The following CD200 variants were observed in gnomAD, a reference collection of about 807,000 sequenced individuals.
CD200 encodes the protein CD200 molecule.
Under a neutral mutation model 30.9 loss-of-function variants are expected in CD200, and 15 were observed. That is an observed-to-expected ratio of 0.49 (90% confidence interval 0.32 to 0.75). The LOEUF (loss-of-function observed/expected upper bound fraction) is 0.75. CD200 is among the 30% of genes least tolerant of loss of function. The pLI, the probability that CD200 is intolerant of heterozygous loss-of-function variation, is 0.03. For missense variants in CD200, 262 were observed against 324.2 expected (o/e 0.81, Z 1.47); for synonymous variants, 134 against 126.2 (o/e 1.06, Z -0.41).
At position 112,347,663 on chromosome 3, in the gene CD200, G is replaced by C; in HGVS notation, c.527G>C (p.Arg176Pro). 1.9e-6 allele frequency: 3 copies of C among 1,613,926 alleles called. No individual in the cohort carries two copies. Among genetic ancestry groups the C allele is most frequent in the South Asian group, 2.2e-5 (2 of 91,070 alleles). ...CCCATGGTCTTCTGGAAGGTCCCTCGGTCAGGGATTGAAAATAGTACAGTG... is the reference window on the plus strand; with the variant it reads ...CCCATGGTCTTCTGGAAGGTCCCTCCGTCAGGGATTGAAAATAGTACAGTG... ...PAPMVFWKVP[R>P]SGIENSTVTL... Residue 176 changes from arginine (R) to proline (P), a missense_variant, in exon 4 of 6, where the codon CGG (arginine) becomes CCG (proline). Coordinates refer to ENST00000315711, the MANE Select transcript of CD200 (RefSeq NM_005944.7).
intron 5 of CD200, among the ~76,000 whole-genome samples, chr3:112,358,153 C>T (rs750084388): frequency 6.6e-6 from 1 of 152,172 alleles, no homozygotes; most frequent in East Asian, 1.9e-4. Context: ...ATTTACATAA[C>T]ATGCAGTACG....
At chr3:112,336,131 T>A in intron 1 of CD200, 1 of 754,658 alleles carries the variant, frequency 1.3e-6, no homozygotes. Context: ...TATTTGGAAT[T>A]GGTTTGGTAC....
intron 5 of CD200, among the ~76,000 whole-genome samples, chr3:112,355,515 AG>A (rs1471869387): frequency 1.3e-5 from 2 of 152,222 alleles, no homozygotes; most frequent in Non-Finnish European, 2.9e-5. Flanking sequence ...ACAAGTTCAC[AG>A]GGAACTGTGA....
intron 2 of CD200, among the ~76,000 whole-genome samples, chr3:112,344,117 T>G (rs902308542): frequency 1.3e-5 from 2 of 152,244 alleles, no homozygotes; most frequent in African/African-American, 4.8e-5. Flanking sequence ...TATTATGCTT[T>G]TATTACACTT....
chr3:112,351,898 A>T lies in CD200; in HGVS notation c.802+2079A>T, dbSNP rs948773289. On this transcript the variant is annotated intron_variant, in intron 5 of 5. Coordinates refer to ENST00000315711, the MANE Select transcript of CD200 (RefSeq NM_005944.7). ...AGAGATCAGATGGCGAGACAGGAAA[A>T]TAAAAGAGGGTGCTGCCAGGCTGTT... Among the ~76,000 whole-genome samples the T allele has an allele frequency of 1.2e-4, 18 of 152,176 alleles. 1 individual carries two copies. The highest frequency in any genetic ancestry group is 2.1e-4 in the South Asian group (1 of 4,828).
chr3:112,350,372 CA>C (rs1196298211), intron 5 of CD200, among the ~76,000 whole-genome samples: 3 of 152,116 alleles, frequency 2.0e-5, no homozygotes, highest in African/African-American at 7.2e-5. Context: ...TTATATATAC[CA>C]GGGTCTGAAT....
rs1011563487 is a variant in CD200, at chr3:112,362,611, T to G, written c.*1061T>G. 6.6e-6 allele frequency: 1 copy of G among 152,656 alleles called. No homozygotes were observed. The highest frequency in any genetic ancestry group is 2.4e-5 in the African/African-American group (1 of 41,462). 9.5% of individuals were successfully genotyped at this position (152,656 alleles called of 1,614,324 possible). On this transcript the variant is annotated 3_prime_UTR_variant, in exon 6 of 6. Transcript: ENST00000315711. ...TAGTGGAATGATGTTGAATCTTTAATAACCATAATTAGTTGCTTTTTCAGT... is the reference window on the plus strand; with the variant it reads ...TAGTGGAATGATGTTGAATCTTTAAGAACCATAATTAGTTGCTTTTTCAGT...
At chr3:112,353,996 T>G (rs113368181) in intron 5 of CD200, among the ~76,000 whole-genome samples, 175 of 152,264 alleles carry the variant, frequency 1.1e-3, no homozygotes, top group African/African-American at 4.1e-3. Flanking sequence ...GGGCTATTTT[T>G]CCGCAAAAAT....
chr3:112,345,600 A>G (rs767314171), intron 3 of CD200, among the ~76,000 whole-genome samples: 1 of 152,142 alleles, frequency 6.6e-6, no homozygotes, highest in Non-Finnish European at 1.5e-5. Context: ...GCCACTAGCA[A>G]TCATGCGACC....
intron 4 of CD200, among the ~76,000 whole-genome samples, chr3:112,349,363 G>A (rs569877432): frequency 6.6e-6 from 1 of 152,240 alleles, no homozygotes; most frequent in African/African-American, 2.4e-5. Context: ...GTGCTTTAGA[G>A]GCAAACAGAC....
intron 1 of CD200, among the ~76,000 whole-genome samples, chr3:112,336,955 G>A (rs1281488404): frequency 1.3e-5 from 2 of 152,060 alleles, no homozygotes; most frequent in Non-Finnish European, 2.9e-5. Context: ...AAAAAGAAGA[G>A]TAGTTTCAAA....
chr3:112,352,584 A>G (rs932477589), intron 5 of CD200, among the ~76,000 whole-genome samples: 5 of 152,110 alleles, frequency 3.3e-5, no homozygotes, highest in African/African-American at 1.2e-4. Flanking sequence ...GAGTTTGTAG[A>G]AAAGCAAAGG....
intron 5 of CD200, among the ~76,000 whole-genome samples, chr3:112,359,773 A>G (rs2081701616): frequency 6.6e-6 from 1 of 152,238 alleles, no homozygotes. Context: ...TGACAAGTGA[A>G]TCAACAAATA....
chr3:112,346,473 T>TGACCTTTTCCATCCACACC (rs551798479), intron 3 of CD200, among the ~76,000 whole-genome samples: 298 of 152,322 alleles, frequency 2.0e-3, no homozygotes, highest in Non-Finnish European at 3.6e-3. Context: ...TCTTCCACAC[T>TGACCTTTTCCATCCACACC]GACCTTTTCC....
In CD200 at chr3:112,342,992, T is replaced by C. The variant is rs189458551; in HGVS notation, c.95-1970T>C. On this transcript the variant is annotated intron_variant, in intron 2 of 5. Coordinates refer to ENST00000315711, the MANE Select transcript of CD200 (RefSeq NM_005944.7). ...TTTCTTTGAGTAAAGTGTGTGTGTC[T>C]GTGTGTGTGTGCGTCTTATGATATC... 6.6e-5 allele frequency among the ~76,000 whole-genome samples: 10 copies of C among 151,768 alleles called. No homozygotes were observed. The East Asian group carries it at 1.8e-3, about 27-fold the overall frequency.
At chr3:112,345,907 T>C (rs2081377426) in intron 3 of CD200, among the ~76,000 whole-genome samples, 1 of 152,140 alleles carries the variant, frequency 6.6e-6, no homozygotes, top group Non-Finnish European at 1.5e-5. Flanking sequence ...TTGATGAAAT[T>C]CTTCTTAACT....
rs1559783498 is a variant in CD200 at position 112,342,397 on chromosome 3, CTTTCTTTCTTTCTTTCTTTCT to C, written c.94+1417_94+1437del. ...TCTTTCTTTCTTTCTTTCTTTCTTT[CTTTCTTTCTTTCTTTCTTTCT>C]TTCTTTCTTTCTTCTCTCTCTTTCT... On this transcript the variant is annotated intron_variant, in intron 2 of 5. Coordinates refer to ENST00000315711, the MANE Select transcript of CD200 (RefSeq NM_005944.7). Among the ~76,000 whole-genome samples the C allele has an allele frequency of 4.5e-4, 24 of 53,646 alleles. 4 individuals carry two copies. The highest frequency in any genetic ancestry group is 1.6e-3 in the African/African-American group (22 of 13,416). The allele number at this position is 53,646 out of a possible 152,430, so 35.2% of individuals were successfully genotyped here.
chr3:112,344,875 C>T (rs1444144723), intron 2 of CD200, 87 bp from the exon 3 acceptor site: 2 of 993,456 alleles, frequency 2.0e-6, no homozygotes, highest in Non-Finnish European at 3.0e-6. Context: ...CTATATTTGA[C>T]ATTGAATATA....
chr3:112,333,328 C>G, intron 1 of CD200, 104 bp downstream of exon 1: 1 of 1,477,426 alleles, frequency 6.8e-7, no homozygotes, highest in Non-Finnish European at 9.0e-7. Flanking sequence ...TCGGCTCTTG[C>G]CACAATCTGG....
Sources: allele counts gnomAD v4.1 joint callset (sites outside exome capture counted in the v4.1 genomes callset), GRCh38; gene constraint gnomAD v4.1.1; transcripts MANE v1.5; gene names NCBI Gene and HGNC (gene_info 2026-07-23, HGNC 2026-07-21).